The following INPP4B variants were observed in gnomAD, a reference collection of about 807,000 sequenced individuals.
INPP4B encodes inositol polyphosphate-4-phosphatase type II B.
INPP4B carries 55 observed loss-of-function variants against 122.5 expected under a neutral mutation model. The observed-to-expected ratio is 0.45, with a 90% CI of 0.36 to 0.56. INPP4B has a LOEUF of 0.56. INPP4B is among the 20% of genes least tolerant of loss of function. The probability of loss-of-function intolerance (pLI) is 0.00; values close to 1 mark genes in which losing one functional copy is unlikely to be tolerated. For synonymous variants in INPP4B, 403 were observed against 388.7 expected, an observed-to-expected ratio of 1.04 and a Z score of -0.43; for missense variants, 1,000 against 1,097.7, an observed-to-expected ratio of 0.91 and a Z score of 1.26.
rs34482115 is a variant in INPP4B at position 142,611,637 on chromosome 4, C to CTTTT, written c.-191+114198_-191+114201dup. On this transcript the variant is annotated intron_variant, in intron 2 of 25. Transcript: ENST00000262992. ...CTGGAAGTTCTGTTTTTTCTTTTTT[C>CTTTT]TTTTTTTTTTTTTTTTTTTTTTTTG... Among the ~76,000 whole-genome samples the CTTTT allele has an allele frequency of 1.1e-4, 7 of 65,234 alleles. 1 individual carries two copies. Among genetic ancestry groups the CTTTT allele is most frequent in the African/African-American group, 4.5e-4 (7 of 15,640 alleles). The allele number at this position is 65,234 out of a possible 152,430, so 42.8% of individuals were successfully genotyped here.
At chr4:142,273,646 G>A (rs1247773213) in intron 9 of INPP4B, among the ~76,000 whole-genome samples, 3 of 151,564 alleles carry the variant, frequency 2.0e-5, no homozygotes, top group African/African-American at 7.3e-5. Context: ...CTTCCTTTTG[G>A]GTTTCCTATT....
intron 2 of INPP4B, among the ~76,000 whole-genome samples, chr4:142,472,780 C>G (rs1819111454): frequency 6.6e-6 from 1 of 152,160 alleles, no homozygotes; most frequent in Admixed American, 6.6e-5. Context: ...CTTTGACCCC[C>G]CATCAGAAGA....
At chr4:142,700,789 A>G (rs1471781021) in intron 2 of INPP4B, among the ~76,000 whole-genome samples, 3 of 152,138 alleles carry the variant, frequency 2.0e-5, no homozygotes, top group African/African-American at 7.2e-5. Context: ...TTTGTGCATC[A>G]GTGAAATGAA....
intron 25 of INPP4B, among the ~76,000 whole-genome samples, chr4:142,069,818 G>C (rs919174451): frequency 1.3e-5 from 2 of 152,072 alleles, no homozygotes; most frequent in Non-Finnish European, 2.9e-5. Context: ...CCAATAACAG[G>C]CTCTGAAATT....
At chr4:142,458,993 A>G (rs1283509317) in intron 3 of INPP4B, among the ~76,000 whole-genome samples, 4 of 152,222 alleles carry the variant, frequency 2.6e-5, no homozygotes, top group Non-Finnish European at 4.4e-5. Context: ...AACAAAAATT[A>G]AGGACTCATT....
chr4:142,146,764 C>G (rs1424419898), intron 17 of INPP4B, among the ~76,000 whole-genome samples: 1 of 152,144 alleles, frequency 6.6e-6, no homozygotes, highest in Non-Finnish European at 1.5e-5. Context: ...TCAGATACTT[C>G]TGACCATACT....
chr4:142,327,368 AG>A (rs770940366), intron 7 of INPP4B, among the ~76,000 whole-genome samples: 3 of 152,130 alleles, frequency 2.0e-5, no homozygotes, highest in Non-Finnish European at 2.9e-5. Flanking sequence ...TGTAGTCAAA[AG>A]AAGATCACCA....
intron 12 of INPP4B, among the ~76,000 whole-genome samples, chr4:142,224,533 T>C (rs1262552700): frequency 4.6e-5 from 7 of 152,156 alleles, no homozygotes; most frequent in African/African-American, 1.7e-4. Flanking sequence ...CTACATTATA[T>C]GAAAACATTT....
At chr4:142,558,725 T>C (rs1729761873) in intron 2 of INPP4B, among the ~76,000 whole-genome samples, 1 of 134,028 alleles carries the variant, frequency 7.5e-6, no homozygotes, top group Non-Finnish European at 1.5e-5. Flanking sequence ...AAGCCTCAAT[T>C]CAGAGCTTGC....
intron 7 of INPP4B, among the ~76,000 whole-genome samples, chr4:142,372,541 G>A (rs540501845): frequency 6.6e-6 from 1 of 152,084 alleles, no homozygotes; most frequent in East Asian, 1.9e-4. Flanking sequence ...ATGCATAGAG[G>A]AAGGTAAAAA....
intron 2 of INPP4B, among the ~76,000 whole-genome samples, chr4:142,536,464 G>T (rs1828204032): frequency 6.6e-6 from 1 of 151,972 alleles, no homozygotes; most frequent in East Asian, 1.9e-4. Flanking sequence ...TCAACAAAAG[G>T]CTATATCATC....
rs182339496 is a variant in INPP4B at position 142,432,870 on chromosome 4, G to A, written c.-126-1485C>T. Among the ~76,000 whole-genome samples the A allele has an allele frequency of 2.3e-3, 344 of 152,102 alleles. 2 individuals are homozygous for A. Among genetic ancestry groups the A allele is most frequent in the African/African-American group, 7.6e-3 (314 of 41,492 alleles). ...CAAAATAACACCTCAGCACACTATC[G>A]GTGAATAATTAATGAAATAAATATC... On this transcript the variant is annotated intron_variant, in intron 3 of 25. Transcript: ENST00000262992.
chr4:142,278,667 G>A (rs1749773220), intron 9 of INPP4B, among the ~76,000 whole-genome samples: 1 of 151,760 alleles, frequency 6.6e-6, no homozygotes, highest in Non-Finnish European at 1.5e-5. Flanking sequence ...CAGGAGAGTA[G>A]GTAAATAAAC....
chr4:142,599,699 A>G (rs532692956), intron 2 of INPP4B, among the ~76,000 whole-genome samples: 5 of 152,202 alleles, frequency 3.3e-5, no homozygotes, highest in Non-Finnish European at 7.4e-5. Context: ...AAAAATTGCA[A>G]AATCTCAGAA....
At chr4:142,190,337 T>C (rs1381995338) in intron 15 of INPP4B, among the ~76,000 whole-genome samples, 2 of 152,190 alleles carry the variant, frequency 1.3e-5, no homozygotes, top group Admixed American at 6.5e-5. Context: ...ACTCATTTCA[T>C]ATAGTCATTT....
chr4:142,470,861 T>C (rs577083300), intron 2 of INPP4B, among the ~76,000 whole-genome samples: 1 of 152,280 alleles, frequency 6.6e-6, no homozygotes, highest in East Asian at 1.9e-4. Context: ...TACCACAATA[T>C]GACCAAAGTA....
At chr4:142,078,546 A>C (rs1772099590) in intron 25 of INPP4B, among the ~76,000 whole-genome samples, 2 of 152,064 alleles carry the variant, frequency 1.3e-5, no homozygotes, top group African/African-American at 4.8e-5. Context: ...AGTAGTGAAC[A>C]AAGAGAAACG....
chr4:142,686,634 A>G (rs761445421), intron 2 of INPP4B, among the ~76,000 whole-genome samples: 2 of 152,130 alleles, frequency 1.3e-5, no homozygotes, highest in Non-Finnish European at 2.9e-5. Context: ...CTTGAACATC[A>G]CTACTAAGTT....
intron 17 of INPP4B, among the ~76,000 whole-genome samples, chr4:142,152,157 T>G (rs1814452425): frequency 7.2e-6 from 1 of 138,626 alleles, no homozygotes; most frequent in Admixed American, 7.9e-5. Context: ...CACTGCAAGC[T>G]CCGCCTCCCG....
Sources: gnomAD v4.1 joint callset for allele counts (sites outside exome capture counted in the v4.1 genomes callset) on GRCh38, gnomAD v4.1.1 for gene constraint, MANE v1.5 for transcripts, NCBI Gene and HGNC (gene_info 2026-07-23, HGNC 2026-07-21) for gene names.